EIF3E: variants seen among roughly 807,000 people sequenced by gnomAD.
EIF3E encodes the protein eIF-3 p48.
A neutral mutation model predicts 59.3 loss-of-function variants in EIF3E; 25 were observed. The ratio of observed to expected loss-of-function variants is 0.42; its 90% CI spans 0.31 to 0.59. The LOEUF is 0.59. Ranked by LOEUF, EIF3E falls within the 20% of genes least tolerant of loss-of-function variation. The probability of loss-of-function intolerance (pLI) is 0.15; values close to 1 mark genes in which losing one functional copy is unlikely to be tolerated. For synonymous variants in EIF3E, 176 were observed against 170.2 expected (o/e 1.03, Z -0.26); for missense variants, 317 against 534.3 (o/e 0.59, Z 4.01).
At chr8:108,220,900 T>C (rs960304037) in intron 7 of EIF3E, among the ~76,000 whole-genome samples, 2 of 152,144 alleles carry the variant, frequency 1.3e-5, no homozygotes, top group African/African-American at 4.8e-5. Context: ...TGTGAGCCTA[T>C]AGTCCCAGCT....
chr8:108,207,404 C>A (rs1302748079), intron 10 of EIF3E, among the ~76,000 whole-genome samples: 1 of 152,186 alleles, frequency 6.6e-6, no homozygotes, highest in South Asian at 2.1e-4. Context: ...AAAGGCTGTC[C>A]CTGGTGGTCT....
intron 12 of EIF3E, among the ~76,000 whole-genome samples, 167 bp from the exon 13 acceptor site, chr8:108,202,090 A>T (rs1815005137): frequency 6.6e-6 from 1 of 152,094 alleles, no homozygotes; most frequent in Admixed American, 6.6e-5. Context: ...CCCACTCAGG[A>T]CAAAACAAAC....
intron 8 of EIF3E, 127 bp downstream of exon 8, chr8:108,217,207 C>CA: frequency 1.4e-6 from 1 of 724,362 alleles, no homozygotes; most frequent in Non-Finnish European, 2.1e-6. Flanking sequence ...TTCTAAACTT[C>CA]AAGTATTCCT....
At chr8:108,207,236 C>T (rs911100304) in intron 10 of EIF3E, among the ~76,000 whole-genome samples, 4 of 151,902 alleles carry the variant, frequency 2.6e-5, no homozygotes, top group Non-Finnish European at 4.4e-5. Flanking sequence ...TTTGGGAGGC[C>T]GAGGCAGGAG....
intron 1 of EIF3E, among the ~76,000 whole-genome samples, chr8:108,247,625 GTT>G (rs1199075482): frequency 6.6e-6 from 1 of 151,740 alleles, no homozygotes; most frequent in African/African-American, 2.4e-5. Context: ...GGACGTTTTT[GTT>G]TTATTGCTTT....
intron 1 of EIF3E, chr8:108,242,727 T>G (rs140214313): frequency 5.1e-6 from 5 of 984,196 alleles, no homozygotes; most frequent in Middle Eastern, 5.1e-4. Flanking sequence ...GACCTTGCAA[T>G]TGAAATGGCT....
intron 7 of EIF3E, among the ~76,000 whole-genome samples, chr8:108,218,785 T>C (rs1367474768): frequency 7.0e-6 from 1 of 142,004 alleles, no homozygotes; most frequent in Non-Finnish European, 1.5e-5. Context: ...TTTATTTCTT[T>C]TTTTTTTTTT....
chr8:108,206,539 G>A (rs1815103369), intron 10 of EIF3E, among the ~76,000 whole-genome samples: 2 of 151,986 alleles, frequency 1.3e-5, no homozygotes, highest in South Asian at 4.1e-4. Flanking sequence ...GGGAGGCTGA[G>A]GCCAGAAGTC....
At chr8:108,225,582 T>A (rs1244171397) in intron 7 of EIF3E, among the ~76,000 whole-genome samples, 13 of 151,600 alleles carry the variant, frequency 8.6e-5, no homozygotes, top group Non-Finnish European at 1.5e-5. Context: ...AGATTCTACA[T>A]TACAAACAAC....
intron 8 of EIF3E, 70 bp downstream of exon 8, chr8:108,217,264 C>T: frequency 8.0e-7 from 1 of 1,248,576 alleles, no homozygotes. Flanking sequence ...TAAGTCTTAC[C>T]TTAGAAAAAG....
intron 10 of EIF3E, among the ~76,000 whole-genome samples, chr8:108,212,293 G>C (rs1357324114): frequency 6.6e-6 from 1 of 152,152 alleles, no homozygotes; most frequent in Non-Finnish European, 1.5e-5. Context: ...AAGTCCCACT[G>C]TCACACAGAG....
At chr8:108,219,711 A>T (rs1325828807) in intron 7 of EIF3E, among the ~76,000 whole-genome samples, 1 of 151,930 alleles carries the variant, frequency 6.6e-6, no homozygotes, top group African/African-American at 2.4e-5. Context: ...CCTTGTCTCT[A>T]CAAAAAATAA....
At chr8:108,220,036 A>G (rs1815378880) in intron 7 of EIF3E, among the ~76,000 whole-genome samples, 1 of 152,008 alleles carries the variant, frequency 6.6e-6, no homozygotes, top group Non-Finnish European at 1.5e-5. Context: ...CCTGCTACTC[A>G]GGAGGCTGAG....
chr8:108,227,290 C>T (rs1815533284), intron 7 of EIF3E: 1 of 152,040 alleles, frequency 6.6e-6, no homozygotes, highest in South Asian at 2.1e-4. Flanking sequence ...TGCCGCTGCA[C>T]TCCAGTCTGG....
At chr8:108,203,147 A>T (rs765221183) in intron 11 of EIF3E, 30 bp from the exon 12 acceptor site, 1 of 1,600,902 alleles carries the variant, frequency 6.2e-7, no homozygotes, top group South Asian at 1.1e-5. Flanking sequence ...AATTGATCCT[A>T]TAATGTTAAT....
intron 2 of EIF3E, 151 bp downstream of exon 2, chr8:108,241,648 A>G: frequency 2.3e-6 from 1 of 439,274 alleles, no homozygotes; most frequent in South Asian, 7.4e-5. Flanking sequence ...TTCGGAAGAT[A>G]TGAAACCTTT....
At chr8:108,234,960 CA>C (rs3075616) in intron 5 of EIF3E, 37 bp downstream of exon 5, 51,156 of 864,930 alleles carry the variant, frequency 0.059, 99 homozygotes, top group African/African-American at 0.1. Flanking sequence ...CTACAAAAGA[CA>C]AAAAAAAAAA....
chr8:108,244,795 C>A (rs955888160), intron 1 of EIF3E, among the ~76,000 whole-genome samples: 2 of 151,962 alleles, frequency 1.3e-5, no homozygotes, highest in South Asian at 4.2e-4. Flanking sequence ...CAGTGTCAAT[C>A]ACTAACTCTG....
At chr8:108,223,655 A>G (rs1232565496) in intron 7 of EIF3E, among the ~76,000 whole-genome samples, 1 of 152,222 alleles carries the variant, frequency 6.6e-6, no homozygotes, top group Non-Finnish European at 1.5e-5. Context: ...CTTTTTCCTA[A>G]CAGCATCTAC....
Sources: gnomAD v4.1 joint callset for allele counts (sites outside exome capture counted in the v4.1 genomes callset) on GRCh38, gnomAD v4.1.1 for gene constraint, MANE v1.5 for transcripts, NCBI Gene and HGNC (gene_info 2026-07-23, HGNC 2026-07-21) for gene names.